Variants in SMYD3 observed in about 807,000 individuals in gnomAD.
SMYD3 encodes the protein histone-lysine N-methyltransferase SMYD3.
Under a neutral mutation model 57.7 loss-of-function variants are expected in SMYD3, and 36 were observed. The observed-to-expected ratio is 0.62, with a 90% CI of 0.48 to 0.82. The LOEUF (loss-of-function observed/expected upper bound fraction) is 0.82, where lower values mean the gene tolerates loss of function less well. Among genes scored for constraint, SMYD3 ranks in the 40% least tolerant of loss-of-function variants. The probability of loss-of-function intolerance (pLI) is 0.00; values close to 1 mark genes in which losing one functional copy is unlikely to be tolerated. For missense variants in SMYD3, 515 were observed against 538.8 expected, an observed-to-expected ratio of 0.96 and a Z score of 0.44; for synonymous variants, 211 against 195.0, an observed-to-expected ratio of 1.08 and a Z score of -0.68.
chr1:245,981,967 C>T (rs1213580036), intron 5 of SMYD3, among the ~76,000 whole-genome samples: 1 of 152,220 alleles, frequency 6.6e-6, no homozygotes, highest in Admixed American at 6.5e-5. Context: ...GCTCTGGGTG[C>T]AGACCCACGG....
At chr1:245,817,984 T>G (rs998506129) in intron 10 of SMYD3, among the ~76,000 whole-genome samples, 1 of 152,090 alleles carries the variant, frequency 6.6e-6, no homozygotes. Context: ...CAGGATATTA[T>G]CCAGGAGAAC....
chr1:246,039,130 G>A (rs2148288325), intron 5 of SMYD3, among the ~76,000 whole-genome samples: 2 of 152,224 alleles, frequency 1.3e-5, no homozygotes, highest in South Asian at 4.2e-4. Context: ...TGGAAATTTG[G>A]AGGTTTCAGC....
At chr1:246,146,508 TAA>T (rs1337510287) in intron 5 of SMYD3, among the ~76,000 whole-genome samples, 1 of 152,150 alleles carries the variant, frequency 6.6e-6, no homozygotes, top group Non-Finnish European at 1.5e-5. Context: ...CTTCAGCAGT[TAA>T]AGAGGAGACA....
intron 5 of SMYD3, among the ~76,000 whole-genome samples, chr1:246,084,369 T>A (rs1242256368): frequency 6.6e-6 from 1 of 151,840 alleles, no homozygotes; most frequent in African/African-American, 2.4e-5. Flanking sequence ...GCATGCACCA[T>A]CATGCCCAGC....
chr1:246,221,008 A>G (rs1307062095), intron 5 of SMYD3, among the ~76,000 whole-genome samples: 3 of 151,962 alleles, frequency 2.0e-5, no homozygotes, highest in Non-Finnish European at 4.4e-5. Context: ...TGGGACGACC[A>G]GCTGCAGAGA....
chr1:246,057,094 T>A (rs12022364), intron 5 of SMYD3, among the ~76,000 whole-genome samples: 20,863 of 152,128 alleles, frequency 0.14, 1,665 homozygotes, highest in East Asian at 0.4. Context: ...CAAGTTCAAG[T>A]CCATCCTCGG....
At chr1:246,051,097 C>G (rs1036979884) in intron 5 of SMYD3, among the ~76,000 whole-genome samples, 8 of 151,044 alleles carry the variant, frequency 5.3e-5, no homozygotes, top group South Asian at 2.1e-4. Context: ...GTTTGTTAAG[C>G]AGAGCTTAAT....
At chr1:245,823,905 G>A (rs1180650144) in intron 10 of SMYD3, among the ~76,000 whole-genome samples, 2 of 152,238 alleles carry the variant, frequency 1.3e-5, no homozygotes, top group Admixed American at 6.5e-5. Flanking sequence ...TACTTCCAGA[G>A]CTGACTGCAC....
chr1:245,803,263 C>T (rs1054808297), intron 10 of SMYD3, among the ~76,000 whole-genome samples: 5 of 152,274 alleles, frequency 3.3e-5, no homozygotes, highest in East Asian at 1.9e-4. Context: ...GCTGTTTATT[C>T]GTCACACTGG....
intron 1 of SMYD3, among the ~76,000 whole-genome samples, chr1:246,363,620 C>T (rs554027249): frequency 3.3e-5 from 5 of 149,778 alleles, no homozygotes; most frequent in Admixed American, 6.6e-5. Flanking sequence ...TGTGACCTTA[C>T]CCCCCAACCC....
chr1:246,375,442 T>C (rs1304747189), intron 1 of SMYD3, among the ~76,000 whole-genome samples: 1 of 150,812 alleles, frequency 6.6e-6, no homozygotes, highest in Admixed American at 6.6e-5. Flanking sequence ...CTTCCAATTT[T>C]TGGATGAGAA....
chr1:246,248,637 T>G (rs910611026), intron 5 of SMYD3, among the ~76,000 whole-genome samples: 6 of 90,872 alleles, frequency 6.6e-5, no homozygotes, highest in African/African-American at 2.5e-4. Flanking sequence ...CTGACTTTCC[T>G]TTTTTTTTTT....
intron 1 of SMYD3, among the ~76,000 whole-genome samples, chr1:246,378,875 T>TAA (rs1445257711): frequency 3.1e-5 from 4 of 131,092 alleles, no homozygotes; most frequent in African/African-American, 8.6e-5. Flanking sequence ...TATAAATATA[T>TAA]TATATATATA....
At chr1:246,424,291 T>C (rs1267657990) in intron 1 of SMYD3, among the ~76,000 whole-genome samples, 1 of 152,008 alleles carries the variant, frequency 6.6e-6, no homozygotes, top group Non-Finnish European at 1.5e-5. Flanking sequence ...TAGAGATAGA[T>C]GTTTTAAACC....
intron 5 of SMYD3, among the ~76,000 whole-genome samples, chr1:246,201,148 T>G (rs1192060586): frequency 1.3e-5 from 2 of 152,190 alleles, no homozygotes; most frequent in African/African-American, 4.8e-5. Flanking sequence ...GTACAATTCT[T>G]ACAGACAAAT....
chr1:245,756,040 GC>G (rs1169203545), intron 11 of SMYD3, among the ~76,000 whole-genome samples: 1 of 149,318 alleles, frequency 6.7e-6, no homozygotes, highest in African/African-American at 2.4e-5. Flanking sequence ...ATTCTCTAGT[GC>G]TTTTGAGTGT....
intron 1 of SMYD3, among the ~76,000 whole-genome samples, chr1:246,413,987 T>C (rs1558453254): frequency 6.6e-6 from 1 of 152,214 alleles, no homozygotes; most frequent in African/African-American, 2.4e-5. Context: ...GATGGGCTAA[T>C]GTAATATTGA....
intron 10 of SMYD3, among the ~76,000 whole-genome samples, chr1:245,808,187 C>G (rs181754039): frequency 6.6e-6 from 1 of 152,260 alleles, no homozygotes; most frequent in African/African-American, 2.4e-5. Flanking sequence ...GTACATTAAG[C>G]AGATAAACGC....
chr1:246,500,068 A>G (rs962516540), intron 1 of SMYD3, among the ~76,000 whole-genome samples: 11 of 148,912 alleles, frequency 7.4e-5, no homozygotes, highest in Non-Finnish European at 1.2e-4. Flanking sequence ...CACCACAGAC[A>G]CTGGGCCCTG....
Sources: allele counts gnomAD v4.1 joint callset (sites outside exome capture counted in the v4.1 genomes callset), GRCh38; gene constraint gnomAD v4.1.1; transcripts MANE v1.5; gene names NCBI Gene and HGNC (gene_info 2026-07-23, HGNC 2026-07-21).